ARFGEF3: variants seen among roughly 807,000 people sequenced by gnomAD.
ARFGEF3 encodes ARFGEF family member 3.
In ARFGEF3, 96 loss-of-function variants were observed where a neutral mutation model predicts 221.7. That is an observed-to-expected ratio of 0.43 (90% CI 0.37 to 0.51). The LOEUF is 0.51. Among genes scored for constraint, ARFGEF3 ranks in the 20% least tolerant of loss-of-function variants. ARFGEF3 has a pLI of 0.00. For missense variants in ARFGEF3, 2,410 were observed against 2,789.9 expected (o/e 0.86, Z 3.07); for synonymous variants, 1,145 against 1,126.8 (o/e 1.02, Z -0.32).
rs752109563 is a variant in ARFGEF3, at chr6:138,263,072, G to C, written c.1589G>C (p.Gly530Ala). 2.5e-6 allele frequency: 4 copies of C among 1,613,580 alleles called. No individual in the cohort carries two copies. The highest frequency in any genetic ancestry group is 3.4e-6 in the Non-Finnish European group (4 of 1,179,720). The change falls in exon 12 of 34, where the codon GGA (glycine) becomes GCA (alanine). Residue 530 changes from glycine (G) to alanine (A), a missense_variant. Around this residue, in one of 5 missense-constraint regions of ARFGEF3, gnomAD observed 594 missense variants for 734.3 expected, o/e 0.81. Transcript: ENST00000251691. ...CAGACTACACCCGAGGACCATTCGG[G>C]AAACCACAAGAACAGTCTCAAGTCG... ...LGQTTPEDHS[G>A]NHKNSLKSPA...
chr6:138,217,926 G>A (rs1777902365), intron 4 of ARFGEF3: 1 of 1,528,078 alleles, frequency 6.5e-7, no homozygotes, highest in Non-Finnish European at 8.8e-7. Flanking sequence ...GTCATTGGTA[G>A]CAGAATTGCC....
Position 138,286,703 on chromosome 6 carries a change from G to A in ARFGEF3, c.2572G>A (p.Val858Met), listed in dbSNP as rs766467797. Residue 858 changes from valine (V) to methionine (M), a missense_variant and splice_region_variant, in exon 16 of 34, where the codon GTG becomes ATG. Around this residue, in one of 5 missense-constraint regions of ARFGEF3, gnomAD observed 594 missense variants for 734.3 expected, o/e 0.81. Coordinates refer to ENST00000251691, the MANE Select transcript of ARFGEF3 (RefSeq NM_020340.5). ...ACACACACCCCTCCATGTTCCAGGC[G>A]TGGCATTTGCTCGCTATATTCTGGT... ...RRIDDSTVAG[V>M]AFARYILVGC... 5.6e-6 allele frequency: 9 copies of A among 1,613,810 alleles called. No homozygotes were observed. In the East Asian group the frequency reaches 6.7e-5, roughly 12 times the overall value.
chr6:138,172,671 G>C (rs1255429390), intron 2 of ARFGEF3, among the ~76,000 whole-genome samples: 1 of 152,074 alleles, frequency 6.6e-6, no homozygotes, highest in Non-Finnish European at 1.5e-5. Flanking sequence ...ATGTAAACAA[G>C]GTGTCTTACT....
intron 12 of ARFGEF3, among the ~76,000 whole-genome samples, chr6:138,274,698 G>A (rs1008901101): frequency 5.9e-5 from 9 of 151,732 alleles, no homozygotes; most frequent in Non-Finnish European, 1.2e-4. Flanking sequence ...GGGAGGCTGA[G>A]GCAGGAGAAT....
At chr6:138,287,373 GAT>G in intron 17 of ARFGEF3, among the ~76,000 whole-genome samples, 189 bp downstream of exon 17, 1 of 152,200 alleles carries the variant, frequency 6.6e-6, no homozygotes, top group Non-Finnish European at 1.5e-5. Context: ...ACCTACAGAA[GAT>G]CTCTCTGGAG....
intron 1 of ARFGEF3, among the ~76,000 whole-genome samples, chr6:138,167,549 C>T (rs1776745677): frequency 6.6e-6 from 1 of 152,206 alleles, no homozygotes; most frequent in East Asian, 1.9e-4. Context: ...TGTCCAGTTG[C>T]ATTGACCTGA....
At position 138,162,228 on chromosome 6, in the gene ARFGEF3, C is replaced by A; in HGVS notation, c.85+57C>A. On this transcript the variant is annotated intron_variant, in intron 1 of 33. Transcript: ENST00000251691. The surrounding 1 kb of genome is among the most constrained non-coding windows in gnomAD (Gnocchi z 4.7). ...GAGGGCCGCGCGGCCGGGGCTGAACCCGCGCCTCCGCGCGTGGGGCTTTCG... is the reference window on the plus strand; with the variant it reads ...GAGGGCCGCGCGGCCGGGGCTGAACACGCGCCTCCGCGCGTGGGGCTTTCG... 1 of 1,307,198 alleles carries A rather than the reference C, an allele frequency of 7.6e-7. No individual in the cohort carries two copies. The highest frequency in any genetic ancestry group is 1.1e-6 in the Non-Finnish European group (1 of 941,614). 81.0% of individuals were successfully genotyped at this position (1,307,198 alleles called of 1,614,324 possible). A position where few individuals can be genotyped will look rare whatever the true frequency, so the allele number is the denominator to read the frequency against.
In ARFGEF3 at chr6:138,334,319, G is replaced by C. The variant is rs764006617; in HGVS notation, c.5473G>C (p.Val1825Leu). The change falls in exon 33 of 34, where the codon GTT (valine) becomes CTT (leucine). Residue 1825 changes from valine to leucine, a missense_variant. Physicochemically the swap from Val to Leu is conservative, Grantham distance 32 (BLOSUM62 1). Coordinates refer to ENST00000251691, the MANE Select transcript of ARFGEF3 (RefSeq NM_020340.5). The surrounding 1 kb of genome is among the most constrained non-coding windows in gnomAD (Gnocchi z 5.1). ...TTATTTCCACGCCCTGGTGTGTGCT[G>C]TTCTCACCAATCAAGAAACCATCAC... Reference protein sequence around the residue: ...NIYFHALVCAVLTNQETITAE... With the variant: ...NIYFHALVCALLTNQETITAE... 6.2e-7 allele frequency: 1 copy of C among 1,613,874 alleles called. No individual in the cohort carries two copies. Among genetic ancestry groups the C allele is most frequent in the Non-Finnish European group, 8.5e-7 (1 of 1,179,868 alleles).
Position 138,324,296 on chromosome 6 carries a change from A to G in ARFGEF3, c.5001+142A>G, listed in dbSNP as rs1257037673. ...CTTGTAGCTCCCAACTCTTGCCACTACCATTCTTTGCCAGAAATGACATGA... is the reference window on the plus strand; with the variant it reads ...CTTGTAGCTCCCAACTCTTGCCACTGCCATTCTTTGCCAGAAATGACATGA... On this transcript the variant is annotated intron_variant, in intron 31 of 33. Transcript: ENST00000251691. The G allele has an allele frequency of 3.2e-6, 3 of 939,840 alleles. No homozygotes were observed. In the East Asian group the frequency reaches 7.7e-5, roughly 24 times the overall value. The allele number at this position is 939,840 out of a possible 1,614,324, so 58.2% of individuals were successfully genotyped here.
At position 138,288,351 on chromosome 6, in the gene ARFGEF3, C is replaced by T. The variant is rs148464868; in HGVS notation, c.2896+1167C>T. ...AGTGAGCAATAATCATTCCATTGCACTCTAGCCTGGGTGACAGAGTGAGAC... is the reference window on the plus strand; with the variant it reads ...AGTGAGCAATAATCATTCCATTGCATTCTAGCCTGGGTGACAGAGTGAGAC... On this transcript the variant is annotated intron_variant, in intron 17 of 33. Coordinates refer to ENST00000251691, the MANE Select transcript of ARFGEF3 (RefSeq NM_020340.5). Among the ~76,000 whole-genome samples, 340 of 152,154 alleles carry T rather than the reference C, an allele frequency of 2.2e-3. 3 individuals carry two copies. Among genetic ancestry groups the T allele is most frequent in the African/African-American group, 7.7e-3 (318 of 41,498 alleles).
intron 21 of ARFGEF3, among the ~76,000 whole-genome samples, chr6:138,297,484 A>G (rs1446357187): frequency 2.6e-5 from 4 of 152,148 alleles, no homozygotes; most frequent in Non-Finnish European, 5.9e-5. Flanking sequence ...TAAGCATCTC[A>G]ATACATGAGG....
intron 12 of ARFGEF3, among the ~76,000 whole-genome samples, chr6:138,266,872 C>T (rs1778905838): frequency 1.1e-5 from 1 of 94,392 alleles, no homozygotes; most frequent in African/African-American, 4.7e-5. Flanking sequence ...AAAAGATGTG[C>T]AATAGTTCAT....
intron 10 of ARFGEF3, among the ~76,000 whole-genome samples, chr6:138,260,983 T>C (rs2114587015): frequency 6.6e-6 from 1 of 152,308 alleles, no homozygotes; most frequent in Middle Eastern, 3.4e-3. Flanking sequence ...TGAATAGTCC[T>C]ATAATCTTTA....
At chr6:138,251,843 A>T (rs906845510) in intron 8 of ARFGEF3, among the ~76,000 whole-genome samples, 2 of 152,126 alleles carry the variant, frequency 1.3e-5, no homozygotes, top group Non-Finnish European at 2.9e-5. Flanking sequence ...GCGTTAAGGT[A>T]TTCATTCACA....
At position 138,334,612 on chromosome 6, in the gene ARFGEF3, G is replaced by A. The variant is rs1053009403; in HGVS notation, c.5766G>A (p.Leu1922=). 3 of 1,613,678 alleles carry A rather than the reference G, an allele frequency of 1.9e-6. No homozygotes were observed. The highest frequency in any genetic ancestry group is 3.3e-5 in the Admixed American group (2 of 60,032). The change falls in exon 33 of 34, where the codon CTG becomes CTA. Residue 1922 remains leucine (L), a synonymous_variant. Coordinates refer to ENST00000251691, the MANE Select transcript of ARFGEF3 (RefSeq NM_020340.5). The surrounding 1 kb of genome is among the most constrained non-coding windows in gnomAD (Gnocchi z 5.1). ...ACTACATCCAGATGCACTTGGACCT[G>A]GAGAACTGTATGGAGGAGCCTCCCA... The part of the protein sequence containing the change: ...CNNYIQMHLD[L]ENCMEEPPIF...
At position 138,335,246 on chromosome 6, in the gene ARFGEF3, G is replaced by A. The variant is rs73774702; in HGVS notation, c.6342+58G>A. 3,820 of 1,457,022 alleles carry A rather than the reference G, an allele frequency of 2.6e-3. 92 individuals carry two copies. In the African/African-American group the frequency reaches 0.049, roughly 19 times the overall value. The allele number at this position is 1,457,022 out of a possible 1,614,324, so 90.3% of individuals were successfully genotyped here. ...AGGCTGGGTTTCCAGTACTGGATGGGCCCCCCCTTGCAGAGCAGGCATACA... is the reference window on the plus strand; with the variant it reads ...AGGCTGGGTTTCCAGTACTGGATGGACCCCCCCTTGCAGAGCAGGCATACA... On this transcript the variant is annotated intron_variant, in intron 33 of 33. Coordinates refer to ENST00000251691, the MANE Select transcript of ARFGEF3 (RefSeq NM_020340.5).
chr6:138,239,498 A>T (rs1317435563), intron 6 of ARFGEF3, among the ~76,000 whole-genome samples: 2 of 151,752 alleles, frequency 1.3e-5, no homozygotes, highest in East Asian at 3.9e-4. Context: ...AAATCCAAAA[A>T]ATTAGCCGGG....
chr6:138,290,091 T>C lies in ARFGEF3; in HGVS notation c.3047+123T>C, dbSNP rs938858321. 4 of 918,060 alleles carry C rather than the reference T, an allele frequency of 4.4e-6. No individual in the cohort carries two copies. The Admixed American group carries it at 1.1e-4, about 25-fold the overall frequency. The allele number at this position is 918,060 out of a possible 1,614,324, so 56.9% of individuals were successfully genotyped here. ...CCAGCATGTAAATCAATTATAACAA[T>C]TCACAGAGTTTGATTAAACTTCAAA... On this transcript the variant is annotated intron_variant, in intron 18 of 33. Transcript: ENST00000251691.
intron 17 of ARFGEF3, among the ~76,000 whole-genome samples, chr6:138,287,632 T>C (rs919382655): frequency 1.3e-5 from 2 of 152,102 alleles, no homozygotes; most frequent in African/African-American, 4.8e-5. Flanking sequence ...CAGAGAAAAA[T>C]CTGAGCTTTG....
Sources: allele counts gnomAD v4.1 joint callset (sites outside exome capture counted in the v4.1 genomes callset), GRCh38; gene constraint gnomAD v4.1.1; regional missense constraint gnomAD v4.1.1; non-coding constraint Gnocchi (gnomAD v3.1); transcripts MANE v1.5; gene names NCBI Gene and HGNC (gene_info 2026-07-23, HGNC 2026-07-21).